The following PRRX1 variants were observed in gnomAD, a reference collection of about 807,000 sequenced individuals.
PRRX1 encodes paired mesoderm homeobox protein 1.
In PRRX1, 8 loss-of-function variants were observed where a neutral mutation model predicts 24.0. The ratio of observed to expected loss-of-function variants is 0.33; its 90% CI spans 0.20 to 0.60. The LOEUF (loss-of-function observed/expected upper bound fraction) is 0.60. PRRX1 is among the 20% of genes least tolerant of loss of function. The pLI is 0.82. For synonymous variants in PRRX1, 160 were observed against 131.7 expected (o/e 1.22, Z -1.47); for missense variants, 281 against 322.4 (o/e 0.87, Z 0.98).
chr1:170,696,239 C>T (rs1654164205), intron 1 of PRRX1, among the ~76,000 whole-genome samples: 1 of 151,464 alleles, frequency 6.6e-6, no homozygotes, highest in Admixed American at 6.6e-5. Context: ...TGGGTGTTAT[C>T]CCCACACTGC....
chr1:170,709,212 G>A (rs1654667832), intron 1 of PRRX1, among the ~76,000 whole-genome samples: 1 of 152,158 alleles, frequency 6.6e-6, no homozygotes, highest in Non-Finnish European at 1.5e-5. Flanking sequence ...TCTGGTTGTT[G>A]ATCACAGAAG....
At chr1:170,730,551 T>C in intron 3 of PRRX1, 1 of 554,334 alleles carries the variant, frequency 1.8e-6, no homozygotes, top group Non-Finnish European at 3.2e-6. Flanking sequence ...AGCAGGGCTC[T>C]TCAGAGATTG....
At chr1:170,671,743 G>A (rs556952035) in intron 1 of PRRX1, among the ~76,000 whole-genome samples, 5 of 152,322 alleles carry the variant, frequency 3.3e-5, no homozygotes, top group Admixed American at 3.3e-4. Flanking sequence ...TTTCAAATGA[G>A]GGTGGTCGGG....
Position 170,664,287 on chromosome 1 carries a change from C to A in PRRX1, c.69C>A (p.Gly23=), listed in dbSNP as rs1387589935. 1 of 1,613,366 alleles carries A rather than the reference C, an allele frequency of 6.2e-7. No homozygotes were observed. Among genetic ancestry groups the A allele is most frequent in the Non-Finnish European group, 8.5e-7 (1 of 1,179,796 alleles). The stretch of plus-strand genomic sequence containing the variant: ...TGGGCGGCCGCTTGGACAGCCCGGG[C>A]AACCTCGACACCCTGCAGGCGAAAA... ...PALGGRLDSP[G]NLDTLQAKKN... is the part of the protein sequence containing the mutation. Residue 23 remains glycine (G), a synonymous_variant, in exon 1 of 4, where the codon GGC becomes GGA. Transcript: ENST00000239461.
intron 1 of PRRX1, among the ~76,000 whole-genome samples, chr1:170,703,029 G>A (rs979807731): frequency 1.3e-5 from 2 of 152,142 alleles, no homozygotes; most frequent in African/African-American, 2.4e-5. Context: ...AATGCTCAGA[G>A]GCATTTCTTT....
intron 1 of PRRX1, among the ~76,000 whole-genome samples, chr1:170,714,594 C>G (rs1654848206): frequency 6.6e-6 from 1 of 152,128 alleles, no homozygotes; most frequent in African/African-American, 2.4e-5. Context: ...GTTTGGCTGA[C>G]CAATGATTTG....
intron 1 of PRRX1, among the ~76,000 whole-genome samples, chr1:170,674,888 A>G (rs576834223): frequency 1.3e-5 from 2 of 152,348 alleles, no homozygotes; most frequent in Admixed American, 6.5e-5. Flanking sequence ...GCTAGATACA[A>G]TTAATATTTT....
At chr1:170,675,367 G>A (rs761651235) in intron 1 of PRRX1, among the ~76,000 whole-genome samples, 1 of 152,184 alleles carries the variant, frequency 6.6e-6, no homozygotes, top group Non-Finnish European at 1.5e-5. Context: ...ATGATTTGGT[G>A]AGGAAGAGCT....
chr1:170,706,921 G>A (rs956270711), intron 1 of PRRX1, among the ~76,000 whole-genome samples: 3 of 151,802 alleles, frequency 2.0e-5, no homozygotes, highest in Admixed American at 6.6e-5. Flanking sequence ...ATGAGACCAG[G>A]AGTTCAAGAC....
chr1:170,690,896 G>A (rs1653924185), intron 1 of PRRX1, among the ~76,000 whole-genome samples: 2 of 152,086 alleles, frequency 1.3e-5, no homozygotes, highest in South Asian at 4.1e-4. Flanking sequence ...TTTGCTGTGA[G>A]CATCAAAATA....
Position 170,737,801 on chromosome 1 carries a change from A to G in PRRX1, c.*1615A>G, listed in dbSNP as rs1385151033. The G allele has an allele frequency of 4.6e-6, 1 of 217,626 alleles. No individual in the cohort carries two copies. Among genetic ancestry groups the G allele is most frequent in the Non-Finnish European group, 9.3e-6 (1 of 107,844 alleles). The allele number at this position is 217,626 out of a possible 1,614,324, so 13.5% of individuals were successfully genotyped here. A position where few individuals can be genotyped will look rare whatever the true frequency, so the allele number is the denominator to read the frequency against. ...ACCCATTTGTAAAATGGGATTAATA[A>G]TACTTACCTACCTCACAGGGGTGTT... On this transcript the variant is annotated 3_prime_UTR_variant, in exon 4 of 4. Coordinates refer to ENST00000239461, the MANE Select transcript of PRRX1 (RefSeq NM_022716.4).
intron 1 of PRRX1, among the ~76,000 whole-genome samples, chr1:170,716,832 A>G (rs1654922472): frequency 6.6e-6 from 1 of 152,196 alleles, no homozygotes. Context: ...AGAATCTGAT[A>G]AATGTGTTTA....
chr1:170,693,744 C>T (rs1654069096), intron 1 of PRRX1, among the ~76,000 whole-genome samples: 1 of 151,978 alleles, frequency 6.6e-6, no homozygotes, highest in South Asian at 2.1e-4. Context: ...AGATGAGAAG[C>T]TCAGACCTTG....
At chr1:170,703,350 T>C (rs1430570572) in intron 1 of PRRX1, among the ~76,000 whole-genome samples, 1 of 151,814 alleles carries the variant, frequency 6.6e-6, no homozygotes, top group Non-Finnish European at 1.5e-5. Context: ...AGCCTTGGTC[T>C]CCTCATCTGC....
At chr1:170,728,978 T>G (rs1655344107) in intron 3 of PRRX1, 1 of 152,212 alleles carries the variant, frequency 6.6e-6, no homozygotes, top group African/African-American at 2.4e-5. Context: ...TTATCTCACA[T>G]GTGACACTCA....
At chr1:170,735,777 C>T (rs1254338332) in intron 3 of PRRX1, among the ~76,000 whole-genome samples, 2 of 152,158 alleles carry the variant, frequency 1.3e-5, no homozygotes, top group Non-Finnish European at 2.9e-5. Context: ...AGAAATAAAT[C>T]ATTACTCACT....
intron 3 of PRRX1, chr1:170,727,877 AT>A (rs1247686709): frequency 1.3e-5 from 2 of 152,170 alleles, no homozygotes; most frequent in Non-Finnish European, 2.9e-5. Flanking sequence ...CTACAAATAC[AT>A]TTTTTGAAGA....
At chr1:170,694,725 A>C (rs1429953728) in intron 1 of PRRX1, among the ~76,000 whole-genome samples, 1 of 152,174 alleles carries the variant, frequency 6.6e-6, no homozygotes, top group Non-Finnish European at 1.5e-5. Flanking sequence ...GCAGATTGTA[A>C]ATGAAACTTT....
At chr1:170,705,933 CAT>C (rs1491531794) in intron 1 of PRRX1, among the ~76,000 whole-genome samples, 1,145 of 104,370 alleles carry the variant, frequency 0.011, 11 homozygotes, top group South Asian at 0.037. Flanking sequence ...CACACACACA[CAT>C]ACACACACAC....
Sources: allele counts gnomAD v4.1 joint callset (sites outside exome capture counted in the v4.1 genomes callset), GRCh38; gene constraint gnomAD v4.1.1; transcripts MANE v1.5; gene names NCBI Gene and HGNC (gene_info 2026-07-23, HGNC 2026-07-21).